KCND2: variants seen among roughly 807,000 people sequenced by gnomAD.
The protein encoded by KCND2 is A-type voltage-gated potassium channel KCND2.
KCND2 carries 16 observed loss-of-function variants against 54.4 expected under a neutral mutation model. The ratio of observed to expected loss-of-function variants is 0.29; its 90% CI spans 0.20 to 0.45. The LOEUF (loss-of-function observed/expected upper bound fraction) is 0.45. Among genes scored for constraint, KCND2 ranks in the 20% least tolerant of loss-of-function variants. The pLI, the probability that KCND2 is intolerant of heterozygous loss-of-function variation, is 1.00. For synonymous variants in KCND2, 317 were observed against 310.7 expected (o/e 1.02, Z -0.21); for missense variants, 486 against 824.2 (o/e 0.59, Z 5.02).
At chr7:120,699,781 A>C (rs1792377991) in intron 1 of KCND2, among the ~76,000 whole-genome samples, 1 of 152,228 alleles carries the variant, frequency 6.6e-6, no homozygotes, top group South Asian at 2.1e-4. Flanking sequence ...GGGTAAGTTC[A>C]GTCTTAGATT....
At chr7:120,589,287 T>G (rs75485874) in intron 1 of KCND2, among the ~76,000 whole-genome samples, 5,981 of 152,224 alleles carry the variant, frequency 0.039, 155 homozygotes, top group Non-Finnish European at 0.066. Flanking sequence ...ATAGCAGAAG[T>G]GAATGATAAG....
intron 1 of KCND2, among the ~76,000 whole-genome samples, chr7:120,732,373 G>A (rs1792818959): frequency 6.6e-6 from 1 of 152,170 alleles, no homozygotes; most frequent in Non-Finnish European, 1.5e-5. Flanking sequence ...GATTGAGTTA[G>A]ATTTTTATGG....
intron 1 of KCND2, among the ~76,000 whole-genome samples, chr7:120,569,074 G>C (rs1476130046): frequency 3.3e-5 from 5 of 152,034 alleles, no homozygotes; most frequent in African/African-American, 9.7e-5. Context: ...ACATAGTTAT[G>C]ATTTCAAACT....
At chr7:120,466,892 C>CTTGGCTTG (rs1802378608) in intron 1 of KCND2, among the ~76,000 whole-genome samples, 1 of 152,148 alleles carries the variant, frequency 6.6e-6, no homozygotes, top group African/African-American at 2.4e-5. Flanking sequence ...ACCTACATTT[C>CTTGGCTTG]TTGGCTTGTG....
intron 1 of KCND2, among the ~76,000 whole-genome samples, chr7:120,358,317 TA>T (rs1800538077): frequency 6.6e-6 from 1 of 152,172 alleles, no homozygotes; most frequent in African/African-American, 2.4e-5. Context: ...TCTCCTTTTT[TA>T]CTCATAGGTA....
intron 1 of KCND2, among the ~76,000 whole-genome samples, chr7:120,480,995 T>A (rs1584796133): frequency 6.6e-6 from 1 of 152,178 alleles, no homozygotes; most frequent in East Asian, 1.9e-4. Flanking sequence ...CTGTTGAGTA[T>A]TCAAAAGAAA....
intron 1 of KCND2, among the ~76,000 whole-genome samples, chr7:120,550,883 G>A (rs1468431806): frequency 1.3e-5 from 2 of 152,158 alleles, no homozygotes; most frequent in South Asian, 2.1e-4. Flanking sequence ...TTCTCAAATG[G>A]AAATACCTCA....
In KCND2 at chr7:120,749,705, C is replaced by G. The variant is rs527611746; in HGVS notation, c.*1847C>G. 4 of 152,352 alleles carry G rather than the reference C, an allele frequency of 2.6e-5. No homozygotes were observed. Among genetic ancestry groups the G allele is most frequent in the African/African-American group, 9.7e-5 (4 of 41,440 alleles). The allele number at this position is 152,352 out of a possible 1,614,324, so 9.4% of individuals were successfully genotyped here. A position where few individuals can be genotyped will look rare whatever the true frequency, so the allele number is the denominator to read the frequency against. On this transcript the variant is annotated 3_prime_UTR_variant, in exon 6 of 6. Transcript: ENST00000331113. ...CTGAGTGAAAGTAAGATAAACTCAA[C>G]TATCTCTTGGGAAGAACTGGCTTCA...
intron 1 of KCND2, among the ~76,000 whole-genome samples, chr7:120,380,386 G>T (rs73722585): frequency 0.01 from 1,526 of 152,024 alleles, 28 homozygotes; most frequent in African/African-American, 0.035. Context: ...AGCAAGTAGG[G>T]TCCTAGGTCA....
intron 1 of KCND2, among the ~76,000 whole-genome samples, chr7:120,345,671 T>C (rs1297321629): frequency 1.3e-5 from 2 of 152,210 alleles, no homozygotes; most frequent in Non-Finnish European, 2.9e-5. Flanking sequence ...ATTATTCTTG[T>C]TGTAGCATGT....
At chr7:120,300,094 A>G (rs538062524) in intron 1 of KCND2, among the ~76,000 whole-genome samples, 2 of 152,328 alleles carry the variant, frequency 1.3e-5, no homozygotes, top group East Asian at 3.9e-4. Context: ...GAACTATTGC[A>G]AAAGAGGTTG....
intron 1 of KCND2, among the ~76,000 whole-genome samples, chr7:120,455,272 C>T (rs996757086): frequency 2.0e-5 from 3 of 152,108 alleles, no homozygotes; most frequent in African/African-American, 2.4e-5. Flanking sequence ...CATCAAGTTA[C>T]GTGACTTCAA....
chr7:120,445,927 CAAT>C, intron 1 of KCND2, among the ~76,000 whole-genome samples: 1 of 152,140 alleles, frequency 6.6e-6, no homozygotes, highest in Admixed American at 6.6e-5. Context: ...GACAGCTTTT[CAAT>C]CAAGCTGCTT....
intron 1 of KCND2, among the ~76,000 whole-genome samples, chr7:120,473,498 AG>A (rs1199246268): frequency 6.6e-6 from 1 of 152,146 alleles, no homozygotes; most frequent in African/African-American, 2.4e-5. Flanking sequence ...CTTCTCAAAA[AG>A]GCCTTCTCTG....
intron 1 of KCND2, among the ~76,000 whole-genome samples, chr7:120,593,332 G>A (rs1562882373): frequency 2.6e-5 from 4 of 152,184 alleles, no homozygotes; most frequent in South Asian, 2.1e-4. Flanking sequence ...TTGATTCACC[G>A]AACAGAATTG....
At chr7:120,725,571 C>T (rs754350031) in intron 1 of KCND2, among the ~76,000 whole-genome samples, 1 of 152,176 alleles carries the variant, frequency 6.6e-6, no homozygotes, top group Non-Finnish European at 1.5e-5. Flanking sequence ...TCGCTCTCAG[C>T]TTGTGAAAAC....
Position 120,742,198 on chromosome 7 carries a change from C to G in KCND2, c.1375-312C>G, listed in dbSNP as rs1421832149. The G allele has an allele frequency of 1.2e-5, 4 of 325,940 alleles. No homozygotes were observed. The Admixed American group carries it at 1.8e-4, about 15-fold the overall frequency. 20.2% of individuals were successfully genotyped at this position (325,940 alleles called of 1,614,324 possible). ...GATCGTGGTTTCAAAATTTTCTAAG[C>G]ACTATGCTAAATTTGATCATCAAAA... is the stretch of plus-strand genomic sequence containing the variant. On this transcript the variant is annotated intron_variant, in intron 3 of 5. Coordinates refer to ENST00000331113, the MANE Select transcript of KCND2 (RefSeq NM_012281.3).
intron 1 of KCND2, among the ~76,000 whole-genome samples, chr7:120,700,582 C>T (rs1792388166): frequency 6.6e-6 from 1 of 151,860 alleles, no homozygotes; most frequent in African/African-American, 2.4e-5. Context: ...ACATTATGGC[C>T]CCTTTCAACA....
chr7:120,567,006 C>A (rs1792307353), intron 1 of KCND2, among the ~76,000 whole-genome samples: 1 of 151,658 alleles, frequency 6.6e-6, no homozygotes, highest in Admixed American at 6.6e-5. Context: ...TGTGTATAAA[C>A]CTGTGTTGCA....
Sources: allele counts gnomAD v4.1 joint callset (sites outside exome capture counted in the v4.1 genomes callset), GRCh38; gene constraint gnomAD v4.1.1; transcripts MANE v1.5; gene names NCBI Gene and HGNC (gene_info 2026-07-23, HGNC 2026-07-21).